Variants in STK33 observed in about 807,000 individuals in gnomAD.
The protein encoded by STK33 is serine/threonine-protein kinase 33.
In STK33, 52 loss-of-function variants were observed where a neutral mutation model predicts 58.0. The ratio of observed to expected loss-of-function variants is 0.90; its 90% CI spans 0.72 to 1.13. The LOEUF (loss-of-function observed/expected upper bound fraction) is 1.13, where lower values mean the gene tolerates loss of function less well. Ranked by LOEUF, STK33 falls within the 50% of genes most tolerant of loss-of-function variation. The probability of loss-of-function intolerance (pLI) is 0.00; values close to 1 mark genes in which losing one functional copy is unlikely to be tolerated. For synonymous variants in STK33, 215 were observed against 200.1 expected, an observed-to-expected ratio of 1.07 and a Z score of -0.63; for missense variants, 630 against 604.2, an observed-to-expected ratio of 1.04 and a Z score of -0.45.
chr11:8,568,515 T>C (rs1171251592), intron 1 of STK33, among the ~76,000 whole-genome samples: 1 of 152,192 alleles, frequency 6.6e-6, no homozygotes, highest in East Asian at 1.9e-4. Flanking sequence ...CGCTCTGCTA[T>C]TAAAAGTCAT....
the STK33 span, among the ~76,000 whole-genome samples, chr11:8,335,168 G>A: frequency 6.6e-6 from 1 of 152,168 alleles, no homozygotes; most frequent in Non-Finnish European, 1.5e-5. Flanking sequence ...GAAGTGCCTC[G>A]GGCTGAGGGG....
chr11:8,472,124 T>C (rs1427858334), intron 6 of STK33, among the ~76,000 whole-genome samples: 3 of 152,110 alleles, frequency 2.0e-5, no homozygotes, highest in Non-Finnish European at 2.9e-5. Flanking sequence ...AGAAGGAGTT[T>C]TGCTATGTTG....
At chr11:8,437,395 A>C (rs1399956854) in intron 12 of STK33, among the ~76,000 whole-genome samples, 1 of 152,162 alleles carries the variant, frequency 6.6e-6, no homozygotes, top group African/African-American at 2.4e-5. Flanking sequence ...ATTACTGTCA[A>C]CTCCAACATC....
chr11:8,559,066 A>C (rs76201034), intron 1 of STK33, among the ~76,000 whole-genome samples: 9,854 of 152,272 alleles, frequency 0.065, 368 homozygotes, highest in Non-Finnish European at 0.076. Flanking sequence ...ACCCTAGAAA[A>C]TGTAGAGGTC....
chr11:8,388,719 A>G (rs12284461), downstream of STK33, among the ~76,000 whole-genome samples: 39,236 of 152,014 alleles, frequency 0.26, 5,686 homozygotes, highest in African/African-American at 0.39. Flanking sequence ...CAGCCAGTGT[A>G]GGGTGGCCTC....
At chr11:8,348,690 T>G in the STK33 span, among the ~76,000 whole-genome samples, 4 of 152,160 alleles carry the variant, frequency 2.6e-5, no homozygotes, top group Non-Finnish European at 4.4e-5. Flanking sequence ...CTTTAGGAAC[T>G]TAGAAAACCT....
chr11:8,538,779 T>C (rs1955261058), intron 1 of STK33, among the ~76,000 whole-genome samples: 1 of 152,156 alleles, frequency 6.6e-6, no homozygotes, highest in Non-Finnish European at 1.5e-5. Context: ...CTCTAAAGAA[T>C]GAACGATAAA....
intron 15 of STK33, among the ~76,000 whole-genome samples, chr11:8,396,396 C>T (rs1849350385): frequency 1.3e-5 from 2 of 152,278 alleles, no homozygotes; most frequent in East Asian, 1.9e-4. Flanking sequence ...GGGTACCTTA[C>T]CATTTCTCTC....
At chr11:8,412,184 G>A (rs1940371753) in intron 15 of STK33, among the ~76,000 whole-genome samples, 2 of 152,264 alleles carry the variant, frequency 1.3e-5, no homozygotes, top group East Asian at 1.9e-4. Context: ...GTGTGCATAA[G>A]TATGTATATC....
At chr11:8,447,653 A>G (rs561381566) in intron 11 of STK33, among the ~76,000 whole-genome samples, 3 of 152,342 alleles carry the variant, frequency 2.0e-5, no homozygotes, top group East Asian at 3.9e-4. Flanking sequence ...AATAAGAGCT[A>G]TCTATGACAA....
chr11:8,566,954 C>A (rs1957489338), intron 1 of STK33, among the ~76,000 whole-genome samples: 3 of 152,146 alleles, frequency 2.0e-5, no homozygotes, highest in African/African-American at 7.2e-5. Flanking sequence ...GCCTGGGCAA[C>A]ATGGTGAAAC....
At chr11:8,572,135 A>G (rs1281658073) in intron 1 of STK33, among the ~76,000 whole-genome samples, 1 of 151,970 alleles carries the variant, frequency 6.6e-6, no homozygotes, top group Non-Finnish European at 1.5e-5. Flanking sequence ...ACAGCCTTGC[A>G]AGAAAAAGAC....
At chr11:8,469,833 T>C (rs1036593384) in intron 6 of STK33, among the ~76,000 whole-genome samples, 3 of 152,244 alleles carry the variant, frequency 2.0e-5, no homozygotes. Context: ...AGGCGCATTG[T>C]CAATGAGCAG....
At chr11:8,504,933 C>G (rs1193573659) in intron 1 of STK33, among the ~76,000 whole-genome samples, 1 of 152,172 alleles carries the variant, frequency 6.6e-6, no homozygotes, top group South Asian at 2.1e-4. Flanking sequence ...TTCTTTGTGC[C>G]TACTGCATTT....
chr11:8,437,730 G>C (rs927032035), intron 12 of STK33, among the ~76,000 whole-genome samples: 1 of 152,048 alleles, frequency 6.6e-6, no homozygotes, highest in Non-Finnish European at 1.5e-5. Context: ...TAATGATGAT[G>C]ATTATGATGA....
At chr11:8,358,939 T>C in the STK33 span, among the ~76,000 whole-genome samples, 48 of 152,218 alleles carry the variant, frequency 3.2e-4, no homozygotes, top group African/African-American at 1.2e-3. Flanking sequence ...GCATCAGCAA[T>C]GGGACAGTCA....
chr11:8,476,680 C>T lies in STK33; in HGVS notation c.-162+7G>A, dbSNP rs1373636669. The T allele has an allele frequency of 6.6e-6, 1 of 152,256 alleles. No homozygotes were observed. The highest frequency in any genetic ancestry group is 1.5e-5 in the Non-Finnish European group (1 of 68,080). The allele number at this position is 152,256 out of a possible 1,614,324, so 9.4% of individuals were successfully genotyped here. A position where few individuals can be genotyped will look rare whatever the true frequency, so the allele number is the denominator to read the frequency against. On this transcript the variant is annotated splice_region_variant and intron_variant, in intron 4 of 15. Coordinates refer to ENST00000687296, the MANE Select transcript of STK33 (RefSeq NM_001352389.2). Reference sequence around the variant, plus strand: ...AAACAACAAGCCCATGCCCTCTCCCCCCTTACCTTGCTTTGTTTTTCTTCA... The same window carrying T: ...AAACAACAAGCCCATGCCCTCTCCCTCCTTACCTTGCTTTGTTTTTCTTCA...
chr11:8,360,513 C>G, the STK33 span, among the ~76,000 whole-genome samples: 21 of 152,374 alleles, frequency 1.4e-4, no homozygotes, highest in East Asian at 3.9e-3. Flanking sequence ...TGGTTTAAAA[C>G]AATGCCCATT....
intron 14 of STK33, among the ~76,000 whole-genome samples, chr11:8,433,534 C>A (rs940061575): frequency 6.6e-6 from 1 of 152,082 alleles, no homozygotes; most frequent in South Asian, 2.1e-4. Context: ...CTCATATATT[C>A]AATTATCTGT....
Sources: allele counts gnomAD v4.1 joint callset (sites outside exome capture counted in the v4.1 genomes callset), GRCh38; gene constraint gnomAD v4.1.1; transcripts MANE v1.5; gene names NCBI Gene and HGNC (gene_info 2026-07-23, HGNC 2026-07-21).